The following VPS53 variants were observed in gnomAD, a reference collection of about 807,000 sequenced individuals.
VPS53 encodes vacuolar protein sorting-associated protein 53 homolog.
Under a neutral mutation model 107.0 loss-of-function variants are expected in VPS53, and 70 were observed. The ratio of observed to expected loss-of-function variants is 0.65; its 90% CI spans 0.54 to 0.80. VPS53 has a LOEUF of 0.80. VPS53 is among the 30% of genes least tolerant of loss of function. The pLI is 0.00. For synonymous variants in VPS53, 409 were observed against 393.3 expected (o/e 1.04, Z -0.47); for missense variants, 917 against 1,049.4 (o/e 0.87, Z 1.74).
In VPS53 at chr17:519,798, G is replaced by A. The variant is rs1453805068; in HGVS notation, c.2328+28C>T. 6.8e-7 allele frequency: 1 copy of A among 1,469,940 alleles called. No homozygotes were observed. The highest frequency in any genetic ancestry group is 9.3e-7 in the Non-Finnish European group (1 of 1,072,388). 91.1% of individuals were successfully genotyped at this position (1,469,940 alleles called of 1,614,324 possible). ...CCGCTGAGTGTGAGGGGGATGAGCA[G>A]GTGTGGACCAAATGTCCCGGCACAA... On this transcript the variant is annotated intron_variant, in intron 21 of 21. Transcript: ENST00000437048. This position sits in a 1 kb window ranked among gnomAD's most constrained non-coding sequence, Gnocchi z 5.0.
At chr17:599,117 G>C (rs1197129838) in intron 12 of VPS53, among the ~76,000 whole-genome samples, 6 of 145,350 alleles carry the variant, frequency 4.1e-5, no homozygotes, top group African/African-American at 1.5e-4. Context: ...CGCCCCGTCC[G>C]GGAGGGAGGT....
chr17:565,421 AAAAAAG>A (rs1397349640), intron 13 of VPS53, among the ~76,000 whole-genome samples: 1 of 147,432 alleles, frequency 6.8e-6, no homozygotes, highest in Non-Finnish European at 1.5e-5. Flanking sequence ...AAAAAAAAAA[AAAAAAG>A]AAAGAAAAGA....
chr17:565,405 A>G (rs77950702), intron 13 of VPS53, among the ~76,000 whole-genome samples: 1 of 12,558 alleles, frequency 8.0e-5, no homozygotes, highest in Non-Finnish European at 1.4e-4. Flanking sequence ...CCCCATCTCA[A>G]AAAAAAAAAA....
At chr17:640,633 C>T (rs1970387351) in intron 7 of VPS53, among the ~76,000 whole-genome samples, 1 of 151,854 alleles carries the variant, frequency 6.6e-6, no homozygotes, top group South Asian at 2.1e-4. Context: ...AATCACAAGT[C>T]ACTTCCTCTC....
chr17:527,797 A>G lies in VPS53; in HGVS notation c.2085+5045T>C, dbSNP rs1032408594. ...GGCTAATTTTTAAATTGTTTTGTAG[A>G]GATGGGGTCTCGCTGTGTTGCCCAG... On this transcript the variant is annotated intron_variant, in intron 19 of 21. Transcript: ENST00000437048. Among the ~76,000 whole-genome samples the G allele has an allele frequency of 5.9e-5, 9 of 152,260 alleles. No individual in the cohort carries two copies. The East Asian group carries it at 1.2e-3, about 20-fold the overall frequency.
intron 4 of VPS53, among the ~76,000 whole-genome samples, chr17:672,562 G>T (rs766549143): frequency 6.6e-6 from 1 of 152,178 alleles, no homozygotes; most frequent in Non-Finnish European, 1.5e-5. Context: ...GCTAAGTTCA[G>T]TATCTGCAGG....
intron 4 of VPS53, among the ~76,000 whole-genome samples, chr17:666,005 G>A (rs1195941211): frequency 2.6e-5 from 4 of 151,340 alleles, no homozygotes; most frequent in Admixed American, 1.3e-4. Flanking sequence ...ACTCTGTCCC[G>A]ACCAAAAAAA....
At chr17:650,361 G>A (rs1027943467) in intron 7 of VPS53, among the ~76,000 whole-genome samples, 3 of 152,050 alleles carry the variant, frequency 2.0e-5, no homozygotes, top group African/African-American at 7.2e-5. Flanking sequence ...GCCAGGCATG[G>A]TGGTATTTGC....
At chr17:550,573 T>C (rs750232336) in intron 17 of VPS53, among the ~76,000 whole-genome samples, 3 of 152,200 alleles carry the variant, frequency 2.0e-5, no homozygotes, top group Non-Finnish European at 2.9e-5. Context: ...AGGCTCTAGT[T>C]TGCCAACCCC....
At chr17:672,231 T>C (rs1971994365) in intron 4 of VPS53, among the ~76,000 whole-genome samples, 1 of 148,756 alleles carries the variant, frequency 6.7e-6, no homozygotes, top group Admixed American at 6.8e-5. Context: ...CTCCCGTCTT[T>C]GGCTTCAGCT....
At chr17:659,626 G>A (rs760304525) in intron 5 of VPS53, among the ~76,000 whole-genome samples, 18 of 152,074 alleles carry the variant, frequency 1.2e-4, no homozygotes, top group Non-Finnish European at 2.4e-4. Context: ...CATCATCTAT[G>A]ACTCTTCCTG....
At position 549,605 on chromosome 17, in the gene VPS53, C is replaced by G. The variant is rs531365149; in HGVS notation, c.1866+2267G>C. Among the ~76,000 whole-genome samples the G allele has an allele frequency of 9.9e-4, 150 of 152,234 alleles. 1 individual carries two copies. The highest frequency in any genetic ancestry group is 3.3e-3 in the African/African-American group (139 of 41,544). ...ATTGAAAAAAAAAAATCCCACTCTT[C>G]CTTTGGTGAATGTGAAAATTCTTTC... On this transcript the variant is annotated intron_variant, in intron 17 of 21. Transcript: ENST00000437048.
intron 2 of VPS53, chr17:706,237 A>T (rs1973393043): frequency 1.3e-5 from 2 of 152,134 alleles, no homozygotes; most frequent in African/African-American, 4.8e-5. Context: ...ATAATATTTA[A>T]AAATTATATG....
chr17:629,804 AAAAACCACACACAC>A (rs778427304), intron 8 of VPS53, among the ~76,000 whole-genome samples: 125 of 93,196 alleles, frequency 1.3e-3, no homozygotes, highest in Non-Finnish European at 2.4e-3. Context: ...AAAACAAAAA[AAAAACCACACACAC>A]ACACACACAC....
intron 2 of VPS53, 116 bp downstream of exon 2, chr17:710,417 T>C: frequency 1.3e-6 from 1 of 765,638 alleles, no homozygotes; most frequent in South Asian, 1.7e-5. Flanking sequence ...TTGATTTGAA[T>C]TTAACTCTCC....
chr17:630,602 G>A (rs569340175), intron 8 of VPS53, among the ~76,000 whole-genome samples: 3 of 152,148 alleles, frequency 2.0e-5, no homozygotes, highest in Admixed American at 2.0e-4. Flanking sequence ...ATCAGGAGCG[G>A]GCTTCCTATA....
intron 11 of VPS53, among the ~76,000 whole-genome samples, chr17:609,132 C>A (rs1243866570): frequency 1.3e-5 from 2 of 152,156 alleles, no homozygotes; most frequent in Non-Finnish European, 2.9e-5. Flanking sequence ...TTTTCACCCC[C>A]AAAAGCAACC....
chr17:711,431 T>G lies in VPS53; in HGVS notation c.88-818A>C, dbSNP rs1371428176. Among the ~76,000 whole-genome samples the G allele has an allele frequency of 2.0e-5, 3 of 152,216 alleles. No homozygotes were observed. The East Asian group carries it at 5.8e-4, about 29-fold the overall frequency. On this transcript the variant is annotated intron_variant, in intron 1 of 21. Transcript: ENST00000437048. ...TCTTCAAGACAACTGTTAGAAAAGC[T>G]GAAGCCTTCTACCACATCAAGAGGA...
intron 14 of VPS53, among the ~76,000 whole-genome samples, chr17:562,167 C>T (rs575978327): frequency 6.6e-6 from 1 of 152,314 alleles, no homozygotes; most frequent in African/African-American, 2.4e-5. Flanking sequence ...AGCTATTTAT[C>T]AGTTATTTCC....
Sources: gnomAD v4.1 joint callset for allele counts (sites outside exome capture counted in the v4.1 genomes callset) on GRCh38, gnomAD v4.1.1 for gene constraint, Gnocchi (gnomAD v3.1) non-coding constraint, MANE v1.5 for transcripts, NCBI Gene and HGNC (gene_info 2026-07-23, HGNC 2026-07-21) for gene names.